KLF12: variants seen among roughly 807,000 people sequenced by gnomAD.
KLF12 encodes Krueppel-like factor 12.
KLF12 carries 9 observed loss-of-function variants against 37.8 expected under a neutral mutation model. That is an observed-to-expected ratio of 0.24 (90% CI 0.14 to 0.42). The LOEUF (loss-of-function observed/expected upper bound fraction) is 0.42, where lower values mean the gene tolerates loss of function less well. KLF12 is among the 10% of genes least tolerant of loss of function. KLF12 has a pLI of 1.00. For synonymous variants in KLF12, 208 were observed against 202.1 expected (o/e 1.03, Z -0.25); for missense variants, 411 against 516.0 (o/e 0.80, Z 1.97).
chr13:73,852,249 G>A (rs977015358), intron 3 of KLF12, among the ~76,000 whole-genome samples: 3 of 152,136 alleles, frequency 2.0e-5, no homozygotes, highest in African/African-American at 7.2e-5. Context: ...CATAAATGCC[G>A]TAAAAGTGTG....
intron 3 of KLF12, among the ~76,000 whole-genome samples, chr13:73,883,656 C>T (rs1245946556): frequency 2.0e-5 from 3 of 152,100 alleles, no homozygotes; most frequent in Admixed American, 1.3e-4. Flanking sequence ...CACGGTAAAG[C>T]AAAGATACAT....
chr13:74,009,291 C>A (rs1339569421), intron 1 of KLF12, among the ~76,000 whole-genome samples: 15 of 152,114 alleles, frequency 9.9e-5, no homozygotes, highest in Admixed American at 9.8e-4. Context: ...AGCACAAATG[C>A]AATTCATAAA....
intron 5 of KLF12, among the ~76,000 whole-genome samples, chr13:73,793,869 A>G (rs1737340829): frequency 6.6e-6 from 1 of 152,234 alleles, no homozygotes; most frequent in South Asian, 2.1e-4. Flanking sequence ...GATAGTGAAA[A>G]CACAAACCAC....
At chr13:74,191,141 A>G in the KLF12 span, among the ~76,000 whole-genome samples, 2 of 152,216 alleles carry the variant, frequency 1.3e-5, no homozygotes, top group African/African-American at 4.8e-5. Flanking sequence ...TTATATTGTG[A>G]ACTCTCTCTC....
At chr13:73,867,603 A>G (rs1021690790) in intron 3 of KLF12, among the ~76,000 whole-genome samples, 2 of 25,006 alleles carry the variant, frequency 8.0e-5, no homozygotes, top group Non-Finnish European at 8.0e-4. Context: ...TATAGAAGAC[A>G]GGGGGAAAAA....
At chr13:74,117,652 A>T (rs886474808) in intron 1 of KLF12, among the ~76,000 whole-genome samples, 1 of 152,186 alleles carries the variant, frequency 6.6e-6, no homozygotes, top group African/African-American at 2.4e-5. Flanking sequence ...TAAGGTTAAG[A>T]TCATCAGTGG....
At chr13:74,115,073 C>T (rs1360985267) in intron 1 of KLF12, among the ~76,000 whole-genome samples, 1 of 152,102 alleles carries the variant, frequency 6.6e-6, no homozygotes, top group Admixed American at 6.6e-5. Context: ...AGCCCTGGTG[C>T]CAAAAGGGTT....
chr13:74,299,109 T>C, the KLF12 span, among the ~76,000 whole-genome samples: 12 of 152,188 alleles, frequency 7.9e-5, no homozygotes, highest in Admixed American at 3.3e-4. Flanking sequence ...GGTATGGGAA[T>C]TGGTTTATGC....
intron 1 of KLF12, among the ~76,000 whole-genome samples, chr13:74,079,383 T>C (rs7334211): frequency 0.017 from 2,551 of 152,312 alleles, 73 homozygotes; most frequent in African/African-American, 0.058. Context: ...GGTAAATTTA[T>C]GTTACGCATA....
chr13:74,013,362 G>A (rs77841692), intron 1 of KLF12, among the ~76,000 whole-genome samples: 2,316 of 152,334 alleles, frequency 0.015, 32 homozygotes, highest in South Asian at 0.06. Flanking sequence ...GCCAGACAGA[G>A]TAAGGCTGAA....
At chr13:73,928,559 G>A (rs1238524867) in intron 3 of KLF12, among the ~76,000 whole-genome samples, 2 of 152,180 alleles carry the variant, frequency 1.3e-5, no homozygotes, top group Non-Finnish European at 2.9e-5. Flanking sequence ...CTAAGGAAAT[G>A]CAAGCCTAAA....
At chr13:73,710,728 C>G (rs756228955) in intron 7 of KLF12, among the ~76,000 whole-genome samples, 1 of 120,538 alleles carries the variant, frequency 8.3e-6, no homozygotes, top group African/African-American at 3.8e-5. Flanking sequence ...CTTGAGCCCC[C>G]CTATTCCTTG....
chr13:74,138,418 C>T (rs1020481535), upstream of KLF12, among the ~76,000 whole-genome samples: 1 of 152,078 alleles, frequency 6.6e-6, no homozygotes, highest in Non-Finnish European at 1.5e-5. Context: ...TAATGTGCAG[C>T]AAAGGGGAAT....
intron 3 of KLF12, among the ~76,000 whole-genome samples, chr13:73,921,032 A>C (rs906540982): frequency 1.3e-5 from 2 of 152,166 alleles, no homozygotes; most frequent in Non-Finnish European, 2.9e-5. Context: ...GAAAGGAGAG[A>C]GAGCAGACAC....
chr13:74,261,492 AAGCCTGCT>A, the KLF12 span, among the ~76,000 whole-genome samples: 1 of 152,156 alleles, frequency 6.6e-6, no homozygotes, highest in Non-Finnish European at 1.5e-5. Context: ...AATTGGGTAA[AAGCCTGCT>A]AGCTTTTCTT....
At chr13:73,698,935 C>T (rs1001177594) in intron 7 of KLF12, among the ~76,000 whole-genome samples, 5 of 152,096 alleles carry the variant, frequency 3.3e-5, no homozygotes, top group Admixed American at 3.3e-4. Flanking sequence ...GTTTTAGTTA[C>T]AGTTCAATCA....
intron 5 of KLF12, among the ~76,000 whole-genome samples, chr13:73,785,715 T>C (rs1426515536): frequency 1.3e-5 from 2 of 151,858 alleles, no homozygotes; most frequent in South Asian, 4.2e-4. Flanking sequence ...ACTTAGAGAG[T>C]CATGCTCTGA....
the KLF12 span, among the ~76,000 whole-genome samples, chr13:74,165,350 G>A: frequency 1.5e-5 from 2 of 136,262 alleles, no homozygotes; most frequent in Non-Finnish European, 3.0e-5. Flanking sequence ...ACCAAGGCTA[G>A]AGTGCAGTAG....
chr13:74,102,479 C>A (rs1876409518), intron 1 of KLF12, among the ~76,000 whole-genome samples: 1 of 152,070 alleles, frequency 6.6e-6, no homozygotes, highest in Middle Eastern at 3.4e-3. Flanking sequence ...GAGCGGATCA[C>A]CTGAGGGTAG....
Sources: allele counts gnomAD v4.1 joint callset (sites outside exome capture counted in the v4.1 genomes callset), GRCh38; gene constraint gnomAD v4.1.1; transcripts MANE v1.5; gene names NCBI Gene and HGNC (gene_info 2026-07-23, HGNC 2026-07-21).